ATP10B: variants seen among roughly 807,000 people sequenced by gnomAD.
ATP10B encodes the protein phospholipid-transporting ATPase VB.
Under a neutral mutation model 141.2 loss-of-function variants are expected in ATP10B, and 122 were observed. The ratio of observed to expected loss-of-function variants is 0.86; its 90% CI spans 0.75 to 1.00. The LOEUF (loss-of-function observed/expected upper bound fraction) is 1.00, where lower values mean the gene tolerates loss of function less well. Among genes scored for constraint, ATP10B ranks in the 50% least tolerant of loss-of-function variants. ATP10B has a pLI of 0.00. For synonymous variants in ATP10B, 685 were observed against 692.0 expected (o/e 0.99, Z 0.16); for missense variants, 1,876 against 1,825.3 (o/e 1.03, Z -0.51).
intron 1 of ATP10B, among the ~76,000 whole-genome samples, chr5:160,812,020 C>CAGAGACACAGAGAGAGAGAGAGAGAG (rs1554119636): frequency 9.0e-6 from 1 of 111,420 alleles, no homozygotes; most frequent in Non-Finnish European, 2.0e-5. Context: ...GAGACAGAGA[C>CAGAGACACAGAGAGAGAGAGAGAGAG]AGAGAGAGAG....
In ATP10B at chr5:160,621,030, G is replaced by A; in HGVS notation, c.1813-80C>T. 4.7e-6 allele frequency: 7 copies of A among 1,490,758 alleles called. No individual in the cohort carries two copies. The Admixed American group carries it at 6.6e-5, about 14-fold the overall frequency. The allele number at this position is 1,490,758 out of a possible 1,614,324, so 92.3% of individuals were successfully genotyped here. The stretch of plus-strand genomic sequence containing the variant: ...AAGTTGTCTTATGCGGAATATGAAG[G>A]TACTTTTGCAATAAGTGAAGCCAGA... On this transcript the variant is annotated intron_variant, in intron 14 of 25. Transcript: ENST00000327245.
chr5:160,696,285 T>C (rs978815815), intron 3 of ATP10B, among the ~76,000 whole-genome samples: 1 of 152,070 alleles, frequency 6.6e-6, no homozygotes, highest in African/African-American at 2.4e-5. Context: ...TTTTTTGTGT[T>C]TTTTTGTAGA....
At chr5:160,687,707 G>T in intron 5 of ATP10B, 93 bp downstream of exon 5, 1 of 1,407,270 alleles carries the variant, frequency 7.1e-7, no homozygotes, top group Non-Finnish European at 9.7e-7. Context: ...GAAGGTTGCA[G>T]TGAGCCGAGA....
chr5:160,688,886 T>G lies in ATP10B; in HGVS notation c.-147A>C, dbSNP rs1294445545. On this transcript the variant is annotated 5_prime_UTR_variant, in exon 4 of 26. Transcript: ENST00000327245. Reference sequence around the variant, plus strand: ...GTCAGCTGGCTTTTCTTAATCTAGATGGCTGGAGTTGGGGATAGGGGATCC... The same window carrying G: ...GTCAGCTGGCTTTTCTTAATCTAGAGGGCTGGAGTTGGGGATAGGGGATCC... 2 of 985,332 alleles carry G rather than the reference T, an allele frequency of 2.0e-6. No homozygotes were observed. Among genetic ancestry groups the G allele is most frequent in the African/African-American group, 3.5e-5 (2 of 57,246 alleles). The allele number at this position is 985,332 out of a possible 1,614,324, so 61.0% of individuals were successfully genotyped here.
At chr5:160,578,459 TGTTA>T (rs1469589095) in intron 24 of ATP10B, among the ~76,000 whole-genome samples, 1 of 152,178 alleles carries the variant, frequency 6.6e-6, no homozygotes, top group African/African-American at 2.4e-5. Flanking sequence ...TCTGTTCCTG[TGTTA>T]GTTTCCTGAG....
At chr5:160,876,481 A>G in the ATP10B span, among the ~76,000 whole-genome samples, 1 of 148,384 alleles carries the variant, frequency 6.7e-6, no homozygotes, top group Non-Finnish European at 1.5e-5. Context: ...AAGAACTAGA[A>G]AAGCAAGAGC....
chr5:160,876,531 A>C, the ATP10B span, among the ~76,000 whole-genome samples: 1 of 147,698 alleles, frequency 6.8e-6, no homozygotes, highest in Non-Finnish European at 1.5e-5. Context: ...GAAATAACTA[A>C]AATCAGAGCA....
At position 160,701,169 on chromosome 5, in the gene ATP10B, A is replaced by G. The variant is rs146443297; in HGVS notation, c.-204-12226T>C. Among the ~76,000 whole-genome samples, 236 of 152,202 alleles carry G rather than the reference A, an allele frequency of 1.6e-3. 2 individuals are homozygous for G. Among genetic ancestry groups the G allele is most frequent in the African/African-American group, 5.4e-3 (223 of 41,534 alleles). Reference sequence around the variant, plus strand: ...CAGTGAAATCAGAAATACTTCGCCAAACTCTAGATCGACTCATGCCATCTC... The same window carrying G: ...CAGTGAAATCAGAAATACTTCGCCAGACTCTAGATCGACTCATGCCATCTC... On this transcript the variant is annotated intron_variant, in intron 3 of 25. Coordinates refer to ENST00000327245, the MANE Select transcript of ATP10B (RefSeq NM_025153.3).
chr5:160,636,118 T>C, intron 11 of ATP10B, 64 bp downstream of exon 11: 1 of 1,506,724 alleles, frequency 6.6e-7, no homozygotes, highest in East Asian at 2.3e-5. Context: ...TTCTTTATTT[T>C]ACAAAGTTGT....
intron 2 of ATP10B, among the ~76,000 whole-genome samples, chr5:160,778,274 G>A (rs1039823014): frequency 6.6e-6 from 1 of 152,156 alleles, no homozygotes; most frequent in South Asian, 2.1e-4. Context: ...CTCAATCCCA[G>A]TGAGGTGGCA....
intron 1 of ATP10B, among the ~76,000 whole-genome samples, chr5:160,822,073 C>A (rs1344611221): frequency 6.6e-6 from 1 of 151,982 alleles, no homozygotes; most frequent in Non-Finnish European, 1.5e-5. Context: ...AGTGAAGACA[C>A]AATGCACAGA....
intron 2 of ATP10B, among the ~76,000 whole-genome samples, chr5:160,782,912 T>G (rs1770824908): frequency 6.6e-6 from 1 of 152,190 alleles, no homozygotes; most frequent in Non-Finnish European, 1.5e-5. Context: ...ATGTGTTATG[T>G]GTTTATACAT....
At chr5:160,833,593 T>C (rs938445599) in intron 1 of ATP10B, among the ~76,000 whole-genome samples, 1 of 152,038 alleles carries the variant, frequency 6.6e-6, no homozygotes, top group Non-Finnish European at 1.5e-5. Context: ...CATAATCAAG[T>C]GAAAAAATAG....
chr5:160,839,534 T>C (rs111583641), intron 1 of ATP10B, among the ~76,000 whole-genome samples: 18 of 152,036 alleles, frequency 1.2e-4, no homozygotes, highest in African/African-American at 3.9e-4. Context: ...AACTTCATAA[T>C]AGCCAAAGGG....
chr5:160,587,082 G>C lies in ATP10B; in HGVS notation c.3750+2510C>G, dbSNP rs183711406. 3.1e-3 allele frequency among the ~76,000 whole-genome samples: 465 copies of C among 152,046 alleles called. 2 individuals carry two copies. Among genetic ancestry groups the C allele is most frequent in the Admixed American group, 4.8e-3 (73 of 15,270 alleles). ...TTTCTTCTAGGGCTTTTATGGTTTT[G>C]GGTCTTATGTTTAAGTCTTTAATCC... On this transcript the variant is annotated intron_variant, in intron 24 of 25. Coordinates refer to ENST00000327245, the MANE Select transcript of ATP10B (RefSeq NM_025153.3).
In ATP10B at chr5:160,735,529, A is replaced by AC. The variant is rs1202163653; in HGVS notation, c.-330-18496dup. ...TTATTAGAGCTAAAGAGAGAGATAG[A>AC]CCCCAATACAATAATATCTGGAGAC... On this transcript the variant is annotated intron_variant, in intron 2 of 25. Coordinates refer to ENST00000327245, the MANE Select transcript of ATP10B (RefSeq NM_025153.3). Among the ~76,000 whole-genome samples, 4 of 152,070 alleles carry AC rather than the reference A, an allele frequency of 2.6e-5. No homozygotes were observed. The East Asian group carries it at 7.7e-4, about 29-fold the overall frequency.
At chr5:160,617,815 T>G in intron 16 of ATP10B, 49 bp downstream of exon 16, 1 of 1,454,642 alleles carries the variant, frequency 6.9e-7, no homozygotes, top group Non-Finnish European at 9.7e-7. Flanking sequence ...GTCAAGGCCA[T>G]TCAGCTATTT....
the ATP10B span, among the ~76,000 whole-genome samples, chr5:160,868,673 C>A: frequency 6.6e-6 from 1 of 151,858 alleles, no homozygotes; most frequent in Non-Finnish European, 1.5e-5. Context: ...TGATGCTACC[C>A]CAAGTTCTGG....
At chr5:160,912,466 G>T in the ATP10B span, among the ~76,000 whole-genome samples, 1 of 150,560 alleles carries the variant, frequency 6.6e-6, no homozygotes, top group Non-Finnish European at 1.5e-5. Context: ...GGGCATGGTG[G>T]TGCACACCTG....
Sources: allele counts gnomAD v4.1 joint callset (sites outside exome capture counted in the v4.1 genomes callset), GRCh38; gene constraint gnomAD v4.1.1; transcripts MANE v1.5; gene names NCBI Gene and HGNC (gene_info 2026-07-23, HGNC 2026-07-21).